MLLT10: variants seen among roughly 807,000 people sequenced by gnomAD.
The protein encoded by MLLT10 is protein AF-10.
In MLLT10, 30 loss-of-function variants were observed where a neutral mutation model predicts 129.1. That is an observed-to-expected ratio of 0.23 (90% CI 0.17 to 0.32). The LOEUF (loss-of-function observed/expected upper bound fraction) is 0.32, where lower values mean the gene tolerates loss of function less well. Ranked by LOEUF, MLLT10 falls within the 10% of genes least tolerant of loss-of-function variation. The pLI is 1.00. For synonymous variants in MLLT10, 490 were observed against 446.4 expected (o/e 1.10, Z -1.23); for missense variants, 1,119 against 1,268.3 (o/e 0.88, Z 1.79).
At chr10:21,546,169 C>T (rs2036042956) in intron 3 of MLLT10, among the ~76,000 whole-genome samples, 1 of 151,226 alleles carries the variant, frequency 6.6e-6, no homozygotes, top group African/African-American at 2.4e-5. Flanking sequence ...CCTCTGCCTC[C>T]TGGGTTCCAG....
chr10:21,700,108 C>CTTT (rs79032638), intron 13 of MLLT10, among the ~76,000 whole-genome samples: 1 of 126,918 alleles, frequency 7.9e-6, no homozygotes, highest in Non-Finnish European at 1.7e-5. Flanking sequence ...TAAATGTATT[C>CTTT]TTTTTTTTTT....
chr10:21,735,368 TGGTACA>T, intron 21 of MLLT10, 133 bp downstream of exon 21: 1 of 711,518 alleles, frequency 1.4e-6, no homozygotes, highest in Non-Finnish European at 2.3e-6. Flanking sequence ...TCTTGCCATG[TGGTACA>T]GGCTGTGATA....
intron 8 of MLLT10, among the ~76,000 whole-genome samples, chr10:21,619,145 G>A (rs954626153): frequency 2.0e-5 from 3 of 151,790 alleles, no homozygotes; most frequent in East Asian, 1.9e-4. Flanking sequence ...ATAAAGTGAC[G>A]GTAGTAGGAG....
rs1160456284 is a variant in MLLT10, at chr10:21,577,448, A to T, written c.241-8846A>T. ...GCTGTAACATTTTAAATTACCAGCAACAATAGATGAAGGTTTTTTTTTTTT... is the reference window on the plus strand; with the variant it reads ...GCTGTAACATTTTAAATTACCAGCATCAATAGATGAAGGTTTTTTTTTTTT... On this transcript the variant is annotated intron_variant, in intron 3 of 22. Transcript: ENST00000307729. Among the ~76,000 whole-genome samples, 4 of 151,358 alleles carry T rather than the reference A, an allele frequency of 2.6e-5. No individual in the cohort carries two copies. The South Asian group carries it at 6.2e-4, about 24-fold the overall frequency.
At chr10:21,737,099 A>C (rs1243337961) in intron 21 of MLLT10, among the ~76,000 whole-genome samples, 1 of 90,680 alleles carries the variant, frequency 1.1e-5, no homozygotes, top group African/African-American at 5.1e-5. Context: ...GTGCTGGTGC[A>C]TGCCTGTGGT....
intron 3 of MLLT10, among the ~76,000 whole-genome samples, chr10:21,556,303 T>C (rs116630114): frequency 0.028 from 4,292 of 152,262 alleles, 204 homozygotes; most frequent in African/African-American, 0.097. Context: ...ATTGGAAGTT[T>C]TGTGTGAGCA....
At chr10:21,628,120 C>T (rs1377267408) in intron 8 of MLLT10, among the ~76,000 whole-genome samples, 3 of 152,176 alleles carry the variant, frequency 2.0e-5, no homozygotes, top group African/African-American at 7.2e-5. Flanking sequence ...CTGATATTCT[C>T]CTGCAAGTCC....
At chr10:21,598,997 G>A (rs1469545764) in intron 5 of MLLT10, among the ~76,000 whole-genome samples, 2 of 151,812 alleles carry the variant, frequency 1.3e-5, no homozygotes, top group Admixed American at 1.3e-4. Context: ...GACCAAGATG[G>A]CGAAACCCCG....
At chr10:21,670,807 G>A in intron 10 of MLLT10, 103 bp downstream of exon 10, 3 of 1,261,022 alleles carry the variant, frequency 2.4e-6, no homozygotes, top group Non-Finnish European at 2.2e-6. Flanking sequence ...ACTAATGGAT[G>A]TTCTAGATTA....
At chr10:21,590,434 G>T (rs535143689) in intron 4 of MLLT10, among the ~76,000 whole-genome samples, 33 of 151,902 alleles carry the variant, frequency 2.2e-4, no homozygotes, top group African/African-American at 8.0e-4. Flanking sequence ...TCACCTCCCA[G>T]GTTCAAGTGA....
chr10:21,651,508 T>C (rs2049030319), intron 8 of MLLT10, among the ~76,000 whole-genome samples, 165 bp from the exon 9 acceptor site: 1 of 152,228 alleles, frequency 6.6e-6, no homozygotes, highest in Non-Finnish European at 1.5e-5. Context: ...AAAAAGAAAC[T>C]CACACTAGTA....
intron 8 of MLLT10, among the ~76,000 whole-genome samples, chr10:21,638,206 T>G (rs184752801): frequency 1.4e-5 from 2 of 142,950 alleles, no homozygotes; most frequent in Admixed American, 7.2e-5. Flanking sequence ...TAGTAAATAT[T>G]TTGGGCTTTG....
At chr10:21,628,457 A>G (rs1358912187) in intron 8 of MLLT10, among the ~76,000 whole-genome samples, 5 of 119,654 alleles carry the variant, frequency 4.2e-5, no homozygotes, top group Admixed American at 9.5e-5. Flanking sequence ...TTTTTTTGAG[A>G]CGGAGTCTAG....
intron 3 of MLLT10, among the ~76,000 whole-genome samples, chr10:21,539,848 G>A (rs924349332): frequency 1.3e-5 from 2 of 151,624 alleles, no homozygotes; most frequent in African/African-American, 4.8e-5. Context: ...GGGAGGCTGA[G>A]GCAGGAGAAT....
chr10:21,626,739 CT>C, intron 8 of MLLT10, among the ~76,000 whole-genome samples: 1 of 152,152 alleles, frequency 6.6e-6, no homozygotes, highest in South Asian at 2.1e-4. Context: ...GGAATGACTT[CT>C]CTTTGTCTTT....
At chr10:21,689,227 A>G (rs2053584989) in intron 13 of MLLT10, among the ~76,000 whole-genome samples, 1 of 152,088 alleles carries the variant, frequency 6.6e-6, no homozygotes, top group Non-Finnish European at 1.5e-5. Flanking sequence ...AGTATACTGC[A>G]AAAGATAAAT....
chr10:21,668,073 A>T (rs139936377), intron 9 of MLLT10, among the ~76,000 whole-genome samples: 3 of 152,160 alleles, frequency 2.0e-5, no homozygotes, highest in African/African-American at 4.8e-5. Context: ...AACAACAACA[A>T]CAAAAAAAGA....
At chr10:21,737,355 CAGG>C (rs1564753323) in intron 21 of MLLT10, among the ~76,000 whole-genome samples, 1 of 152,094 alleles carries the variant, frequency 6.6e-6, no homozygotes, top group African/African-American at 2.4e-5. Context: ...GAAGGGGAAG[CAGG>C]AGGCAGATGT....
At chr10:21,663,719 C>A (rs192913468) in intron 9 of MLLT10, among the ~76,000 whole-genome samples, 1 of 152,080 alleles carries the variant, frequency 6.6e-6, no homozygotes. Flanking sequence ...CGCCTGCCAC[C>A]CCACCTGGGT....
Sources: allele counts gnomAD v4.1 joint callset (sites outside exome capture counted in the v4.1 genomes callset), GRCh38; gene constraint gnomAD v4.1.1; transcripts MANE v1.5; gene names NCBI Gene and HGNC (gene_info 2026-07-23, HGNC 2026-07-21).